CNOT6L: variants seen among roughly 807,000 people sequenced by gnomAD.
CNOT6L encodes the protein CCR4-NOT transcription complex subunit 6-like.
In CNOT6L, 7 loss-of-function variants were observed where a neutral mutation model predicts 64.0. The observed-to-expected ratio is 0.11, with a 90% CI of 0.06 to 0.21. The LOEUF (loss-of-function observed/expected upper bound fraction) is 0.21, where lower values mean the gene tolerates loss of function less well. Ranked by LOEUF, CNOT6L falls within the 10% of genes least tolerant of loss-of-function variation. The pLI, the probability that CNOT6L is intolerant of heterozygous loss-of-function variation, is 1.00. For missense variants in CNOT6L, 245 were observed against 669.0 expected (o/e 0.37, Z 6.99); for synonymous variants, 193 against 243.4 (o/e 0.79, Z 1.93).
At chr4:77,819,515 C>G (rs1303223906), upstream of CNOT6L, 4 of 980,234 alleles carry the variant, frequency 4.1e-6, no homozygotes, top group African/African-American at 7.0e-5. Flanking sequence ...ACACAGGGCC[C>G]GTAACCGGGG....
At chr4:77,743,825 C>T (rs1353499786) in intron 7 of CNOT6L, among the ~76,000 whole-genome samples, 1 of 152,016 alleles carries the variant, frequency 6.6e-6, no homozygotes, top group Non-Finnish European at 1.5e-5. Flanking sequence ...TGGTCTCAAA[C>T]TCTTGACCCC....
intron 1 of CNOT6L, among the ~76,000 whole-genome samples, chr4:77,779,590 T>C (rs1025294118): frequency 1.3e-5 from 2 of 152,050 alleles, no homozygotes; most frequent in African/African-American, 2.4e-5. Flanking sequence ...ATCTATAATA[T>C]GTAAAAACCA....
chr4:77,748,245 A>G, intron 6 of CNOT6L, 71 bp downstream of exon 6: 1 of 1,022,416 alleles, frequency 9.8e-7, no homozygotes, highest in Admixed American at 1.8e-5. Context: ...CTTATTTATT[A>G]CAGATCATGA....
chr4:77,799,215 G>T (rs1381507494), intron 1 of CNOT6L, among the ~76,000 whole-genome samples: 22 of 152,026 alleles, frequency 1.4e-4, no homozygotes, highest in Non-Finnish European at 2.9e-5. Context: ...ATTGTTTCAG[G>T]CCAGTAGTTC....
chr4:77,755,843 A>T (rs1725505675), intron 5 of CNOT6L, among the ~76,000 whole-genome samples: 2 of 151,952 alleles, frequency 1.3e-5, no homozygotes, highest in South Asian at 4.1e-4. Context: ...GAATTCTGTT[A>T]TTTCAGAAAG....
chr4:77,799,312 C>A (rs1484248082), intron 1 of CNOT6L, among the ~76,000 whole-genome samples: 1 of 152,182 alleles, frequency 6.6e-6, no homozygotes, highest in Admixed American at 6.6e-5. Flanking sequence ...GTAGTCCCAA[C>A]TGCTCAGGAA....
chr4:77,762,141 G>C (rs745870608), intron 4 of CNOT6L, among the ~76,000 whole-genome samples: 1 of 152,062 alleles, frequency 6.6e-6, no homozygotes, highest in Non-Finnish European at 1.5e-5. Context: ...TCAAGATTAA[G>C]GTATTGATTA....
intron 3 of CNOT6L, among the ~76,000 whole-genome samples, chr4:77,774,183 A>C (rs1430198245): frequency 6.6e-6 from 1 of 152,208 alleles, no homozygotes; most frequent in South Asian, 2.1e-4. Context: ...TCTTTGACTC[A>C]TATAATAGAG....
chr4:77,819,197 C>T (rs753556177), intron 1 of CNOT6L, 107 bp downstream of exon 1: 3 of 1,607,452 alleles, frequency 1.9e-6, no homozygotes, highest in South Asian at 2.2e-5. Context: ...AAAGTCCCAA[C>T]TCGCACACCC....
chr4:77,749,047 C>A (rs1724536761), intron 5 of CNOT6L, among the ~76,000 whole-genome samples: 1 of 152,144 alleles, frequency 6.6e-6, no homozygotes. Flanking sequence ...AATTACAGTA[C>A]AACTTGATTC....
intron 1 of CNOT6L, among the ~76,000 whole-genome samples, chr4:77,787,086 C>T (rs1477659964): frequency 3.3e-5 from 5 of 151,722 alleles, no homozygotes; most frequent in African/African-American, 9.7e-5. Context: ...GCCAACATGG[C>T]GAAACCCCGT....
intron 1 of CNOT6L, among the ~76,000 whole-genome samples, chr4:77,789,971 A>G (rs1237133927): frequency 7.2e-6 from 1 of 139,412 alleles, no homozygotes; most frequent in African/African-American, 2.7e-5. Context: ...AAAAAAAAAA[A>G]AAAAAAAAAT....
Position 77,800,941 on chromosome 4 carries a change from C to T in CNOT6L, c.5+18363G>A, listed in dbSNP as rs536967163. Among the ~76,000 whole-genome samples, 6 of 152,334 alleles carry T rather than the reference C, an allele frequency of 3.9e-5. No individual in the cohort carries two copies. In the South Asian group the frequency reaches 1.0e-3, roughly 26 times the overall value. ...CAACTAGCATTAAACAAAGAGCTAA[C>T]CCTTAACTTTTTGGCATGAATAAAA... On this transcript the variant is annotated intron_variant, in intron 1 of 11. Transcript: ENST00000504123.
intron 8 of CNOT6L, among the ~76,000 whole-genome samples, chr4:77,738,073 A>G (rs1222391585): frequency 6.6e-6 from 1 of 152,146 alleles, no homozygotes; most frequent in South Asian, 2.1e-4. Flanking sequence ...ACTACCTGTG[A>G]TAATAGAAGA....
chr4:77,726,141 A>ACACCTGC, intron 11 of CNOT6L, 26 bp downstream of exon 11: 1 of 1,597,294 alleles, frequency 6.3e-7, no homozygotes. Context: ...AATAATTTCT[A>ACACCTGC]CACCTGCCCA....
At chr4:77,773,285 T>C in intron 3 of CNOT6L, 119 bp from the exon 4 acceptor site, 3 of 606,308 alleles carry the variant, frequency 4.9e-6, no homozygotes, top group Non-Finnish European at 8.4e-6. Flanking sequence ...TCAAGGCACA[T>C]TTCTATGTGC....
chr4:77,779,858 A>G (rs6814830), intron 1 of CNOT6L, among the ~76,000 whole-genome samples: 131,170 of 152,062 alleles, frequency 0.86, 56,820 homozygotes, highest in Non-Finnish European at 0.9. Context: ...CAGCTACTTG[A>G]GAGGCTGAGG....
intron 4 of CNOT6L, among the ~76,000 whole-genome samples, chr4:77,768,742 A>T (rs974033590): frequency 6.6e-6 from 1 of 152,010 alleles, no homozygotes; most frequent in African/African-American, 2.4e-5. Flanking sequence ...ATGTAAATTA[A>T]GAGTACAGTT....
intron 1 of CNOT6L, among the ~76,000 whole-genome samples, chr4:77,813,312 G>T (rs1254111006): frequency 9.7e-6 from 1 of 103,572 alleles, no homozygotes; most frequent in Non-Finnish European, 2.1e-5. Flanking sequence ...AAATAGATTA[G>T]ATATAGATTA....
Sources: gnomAD v4.1 joint callset for allele counts (sites outside exome capture counted in the v4.1 genomes callset) on GRCh38, gnomAD v4.1.1 for gene constraint, MANE v1.5 for transcripts, NCBI Gene and HGNC (gene_info 2026-07-23, HGNC 2026-07-21) for gene names.